Variants in RAB3IP observed in about 807,000 individuals in gnomAD.
RAB3IP encodes rab-3A-interacting protein.
In RAB3IP, 36 loss-of-function variants were observed where a neutral mutation model predicts 59.1. The observed-to-expected ratio is 0.61, with a 90% CI of 0.47 to 0.80. The LOEUF (loss-of-function observed/expected upper bound fraction) is 0.80, where lower values mean the gene tolerates loss of function less well. Ranked by LOEUF, RAB3IP falls within the 30% of genes least tolerant of loss-of-function variation. The probability of loss-of-function intolerance (pLI) is 0.00; values close to 1 mark genes in which losing one functional copy is unlikely to be tolerated. For synonymous variants in RAB3IP, 207 were observed against 191.2 expected, an observed-to-expected ratio of 1.08 and a Z score of -0.68; for missense variants, 511 against 536.0, an observed-to-expected ratio of 0.95 and a Z score of 0.46.
chr12:69,755,044 C>T (rs1040212310), intron 1 of RAB3IP, among the ~76,000 whole-genome samples: 13 of 152,042 alleles, frequency 8.6e-5, no homozygotes, highest in Admixed American at 6.6e-4. Flanking sequence ...ACTGTGAGAT[C>T]GCTTAGTAAA....
chr12:69,790,442 G>A (rs1592566052), intron 4 of RAB3IP, among the ~76,000 whole-genome samples: 1 of 152,262 alleles, frequency 6.6e-6, no homozygotes, highest in Non-Finnish European at 1.5e-5. Context: ...TGTGTTCATT[G>A]GTTGGAAGAA....
intron 6 of RAB3IP, chr12:69,795,738 A>C (rs991027462): frequency 2.4e-5 from 6 of 255,178 alleles, no homozygotes; most frequent in South Asian, 1.6e-4. Flanking sequence ...CATTGCTTTT[A>C]TTTAAATTCA....
intron 1 of RAB3IP, among the ~76,000 whole-genome samples, chr12:69,744,411 G>A (rs974042049): frequency 6.6e-6 from 1 of 152,022 alleles, no homozygotes; most frequent in African/African-American, 2.4e-5. Flanking sequence ...CTCTACACAT[G>A]TCAGGTTGTA....
intron 3 of RAB3IP, among the ~76,000 whole-genome samples, chr12:69,762,915 T>G (rs938875289): frequency 1.3e-5 from 2 of 152,032 alleles, no homozygotes; most frequent in African/African-American, 4.8e-5. Context: ...TTCTACTAAC[T>G]GTAGCCAAAG....
intron 3 of RAB3IP, among the ~76,000 whole-genome samples, chr12:69,765,249 A>G (rs1254505819): frequency 6.6e-6 from 1 of 152,038 alleles, no homozygotes. Context: ...ATTTTTGTCC[A>G]TTCAGTATGA....
At chr12:69,796,841 A>G (rs1877505069) in intron 6 of RAB3IP, among the ~76,000 whole-genome samples, 1 of 152,190 alleles carries the variant, frequency 6.6e-6, no homozygotes, top group South Asian at 2.1e-4. Context: ...GTAATTATGT[A>G]CTTTCCCCCC....
intron 8 of RAB3IP, 45 bp from the exon 9 acceptor site, chr12:69,812,733 A>G (rs774951719): frequency 2.2e-6 from 3 of 1,338,692 alleles, no homozygotes; most frequent in East Asian, 2.3e-5. Flanking sequence ...GGTAGGGGCA[A>G]ATGCTTTTCA....
chr12:69,753,768 G>A (rs745480835), intron 1 of RAB3IP, among the ~76,000 whole-genome samples: 8 of 151,984 alleles, frequency 5.3e-5, no homozygotes, highest in Non-Finnish European at 8.8e-5. Context: ...TTACTTTTTT[G>A]GCTAAGAAGT....
chr12:69,790,197 TAATA>T (rs1876378622), intron 4 of RAB3IP, among the ~76,000 whole-genome samples: 1 of 152,180 alleles, frequency 6.6e-6, no homozygotes, highest in Admixed American at 6.5e-5. Flanking sequence ...AAGTTAGAAC[TAATA>T]AATGAATTTG....
Position 69,798,842 on chromosome 12 carries a change from T to G in RAB3IP, c.889-1367T>G, listed in dbSNP as rs998202123. Among the ~76,000 whole-genome samples, 16 of 152,180 alleles carry G rather than the reference T, an allele frequency of 1.1e-4. 1 individual carries two copies. The highest frequency in any genetic ancestry group is 1.0e-3 in the Admixed American group (16 of 15,266). ...CTTAGGTCATTAGTGTGTGCTCATA[T>G]AAATCAATATATGTTGGGAACAAAT... On this transcript the variant is annotated intron_variant, in intron 6 of 10. Transcript: ENST00000247833.
intron 10 of RAB3IP, among the ~76,000 whole-genome samples, chr12:69,814,584 T>TA (rs1174375858): frequency 6.6e-6 from 1 of 152,024 alleles, no homozygotes; most frequent in African/African-American, 2.4e-5. Flanking sequence ...ACTCATTAGA[T>TA]ACCTGTAGCA....
intron 1 of RAB3IP, among the ~76,000 whole-genome samples, chr12:69,753,401 G>A (rs759355704): frequency 2.0e-5 from 3 of 151,750 alleles, no homozygotes; most frequent in Admixed American, 2.0e-4. Flanking sequence ...TCAATCTGTC[G>A]CCCAGGCTGA....
chr12:69,806,427 T>C (rs2136265815), intron 8 of RAB3IP, among the ~76,000 whole-genome samples: 1 of 152,286 alleles, frequency 6.6e-6, no homozygotes, highest in East Asian at 1.9e-4. Flanking sequence ...ATCAGTTTTG[T>C]TGATCTTTTC....
intron 3 of RAB3IP, among the ~76,000 whole-genome samples, chr12:69,764,429 T>C (rs1055418759): frequency 1.2e-4 from 19 of 152,202 alleles, no homozygotes; most frequent in Admixed American, 6.5e-5. Context: ...TTTTTGTTGA[T>C]TTTTGTCAAA....
chr12:69,764,329 GA>G (rs1229128352), intron 3 of RAB3IP, among the ~76,000 whole-genome samples: 1 of 152,120 alleles, frequency 6.6e-6, no homozygotes. Flanking sequence ...GGTGAAGGGG[GA>G]TGGGTATTCC....
In RAB3IP at chr12:69,755,578, C is replaced by G; in HGVS notation, c.170C>G (p.Ala57Gly). 1 of 1,613,952 alleles carries G rather than the reference C, an allele frequency of 6.2e-7. No individual in the cohort carries two copies. Reference sequence around the variant, plus strand: ...TCCTCTGTACCTATCCAGGCAAATGCATTAGATGTTTCTGAACTTCCTACA... The same window carrying G: ...TCCTCTGTACCTATCCAGGCAAATGGATTAGATGTTTCTGAACTTCCTACA... The part of the protein sequence containing the change: ...ALSSVPIQAN[A>G]LDVSELPTQP... The change falls in exon 2 of 11, where the codon GCA (alanine) becomes GGA (glycine). Residue 57 changes from alanine (A) to glycine (G), a missense_variant. Physicochemically the swap from Ala to Gly is moderately conservative, Grantham distance 60. Transcript: ENST00000247833.
chr12:69,760,327 G>A (rs1404078227), intron 3 of RAB3IP, among the ~76,000 whole-genome samples: 1 of 152,256 alleles, frequency 6.6e-6, no homozygotes, highest in Non-Finnish European at 1.5e-5. Context: ...CAAGATGGCA[G>A]CAGTACAGTC....
chr12:69,811,694 A>G (rs1221127123), intron 8 of RAB3IP, among the ~76,000 whole-genome samples: 2 of 152,210 alleles, frequency 1.3e-5, no homozygotes, highest in Admixed American at 6.5e-5. Flanking sequence ...GAATTTGCTA[A>G]TAAAGAAACA....
At chr12:69,807,938 G>A (rs1201120082) in intron 8 of RAB3IP, among the ~76,000 whole-genome samples, 3 of 152,170 alleles carry the variant, frequency 2.0e-5, no homozygotes, top group Non-Finnish European at 4.4e-5. Flanking sequence ...TCACCTCCCA[G>A]ACGGGTTGGC....
Sources: gnomAD v4.1 joint callset for allele counts (sites outside exome capture counted in the v4.1 genomes callset) on GRCh38, gnomAD v4.1.1 for gene constraint, MANE v1.5 for transcripts, NCBI Gene and HGNC (gene_info 2026-07-23, HGNC 2026-07-21) for gene names.